The following PARM1 variants were observed in gnomAD, a reference collection of about 807,000 sequenced individuals.
PARM1 encodes WSC4, cell wall integrity and stress response component 4 homolog.
Under a neutral mutation model 24.6 loss-of-function variants are expected in PARM1, and 14 were observed. The ratio of observed to expected loss-of-function variants is 0.57; its 90% CI spans 0.38 to 0.89. The LOEUF (loss-of-function observed/expected upper bound fraction) is 0.89. PARM1 is among the 40% of genes least tolerant of loss of function. The pLI, the probability that PARM1 is intolerant of heterozygous loss-of-function variation, is 0.00. For synonymous variants in PARM1, 179 were observed against 156.6 expected (o/e 1.14, Z -1.07); for missense variants, 362 against 380.4 (o/e 0.95, Z 0.40).
intron 1 of PARM1, among the ~76,000 whole-genome samples, chr4:75,002,949 C>T (rs1722708883): frequency 6.6e-6 from 1 of 152,226 alleles, no homozygotes; most frequent in Non-Finnish European, 1.5e-5. Flanking sequence ...CATATTTAGA[C>T]ATGCTTTGTG....
intron 2 of PARM1, among the ~76,000 whole-genome samples, chr4:75,022,618 C>G (rs925817623): frequency 6.6e-6 from 1 of 152,136 alleles, no homozygotes; most frequent in African/African-American, 2.4e-5. Flanking sequence ...TCACCAGTTG[C>G]ATATGATGAA....
intron 1 of PARM1, among the ~76,000 whole-genome samples, chr4:74,978,555 G>A (rs781369473): frequency 3.4e-4 from 51 of 152,236 alleles, no homozygotes; most frequent in Non-Finnish European, 8.8e-5. Flanking sequence ...AGATCATCAA[G>A]ATAGAAAATT....
At chr4:74,964,613 T>C (rs1237559682) in intron 1 of PARM1, among the ~76,000 whole-genome samples, 4 of 152,004 alleles carry the variant, frequency 2.6e-5, no homozygotes, top group African/African-American at 9.7e-5. Context: ...TTTATGATTC[T>C]CTTCACAGCT....
chr4:75,002,250 G>T (rs1560788612), intron 1 of PARM1, among the ~76,000 whole-genome samples: 1 of 152,160 alleles, frequency 6.6e-6, no homozygotes, highest in South Asian at 2.1e-4. Context: ...GAAGGAAGAG[G>T]TTCCAAATCA....
At chr4:74,961,310 G>C (rs1721769670) in intron 1 of PARM1, among the ~76,000 whole-genome samples, 1 of 152,020 alleles carries the variant, frequency 6.6e-6, no homozygotes, top group African/African-American at 2.4e-5. Context: ...GAATCTGTGG[G>C]ATATCATCAA....
intron 1 of PARM1, among the ~76,000 whole-genome samples, chr4:74,975,160 A>G (rs112987324): frequency 0.027 from 4,172 of 152,296 alleles, 82 homozygotes; most frequent in South Asian, 0.077. Flanking sequence ...TTTGGCATCC[A>G]GTTTTCGAAA....
chr4:74,946,653 A>G (rs1721418266), intron 1 of PARM1, among the ~76,000 whole-genome samples: 1 of 152,228 alleles, frequency 6.6e-6, no homozygotes, highest in Non-Finnish European at 1.5e-5. Context: ...CTCAAAGAAT[A>G]CTAGGATCCC....
intron 1 of PARM1, among the ~76,000 whole-genome samples, chr4:75,001,707 C>G (rs1722683233): frequency 6.6e-6 from 1 of 152,106 alleles, no homozygotes. Flanking sequence ...GGTGAAAACC[C>G]TTAGAAGAAA....
intron 1 of PARM1, among the ~76,000 whole-genome samples, chr4:74,999,995 AG>A: frequency 6.6e-6 from 1 of 152,118 alleles, no homozygotes; most frequent in South Asian, 2.1e-4. Context: ...GGGTGTGTGC[AG>A]CAGCTTGGCT....
At chr4:74,966,953 T>C (rs1391561532) in intron 1 of PARM1, 1 of 152,208 alleles carries the variant, frequency 6.6e-6, no homozygotes, top group Non-Finnish European at 1.5e-5. Context: ...TTACAGATGA[T>C]TTGGTACCTG....
chr4:74,933,241 G>A lies in PARM1; in HGVS notation c.-87G>A. On this transcript the variant is annotated 5_prime_UTR_variant, in exon 1 of 4. Coordinates refer to ENST00000307428, the MANE Select transcript of PARM1 (RefSeq NM_015393.4). ...CTCCCACCGCAGCCCACCCGGCAGAGGAGTCGCTACCAGCGCCCAGTGCGC... is the reference window on the plus strand; with the variant it reads ...CTCCCACCGCAGCCCACCCGGCAGAAGAGTCGCTACCAGCGCCCAGTGCGC... 2 of 1,199,054 alleles carry A rather than the reference G, an allele frequency of 1.7e-6. No homozygotes were observed. The highest frequency in any genetic ancestry group is 1.9e-4 in the Middle Eastern group (1 of 5,198). The allele number at this position is 1,199,054 out of a possible 1,614,324, so 74.3% of individuals were successfully genotyped here.
chr4:74,955,718 C>T (rs902651778), intron 1 of PARM1, among the ~76,000 whole-genome samples: 13 of 152,146 alleles, frequency 8.5e-5, no homozygotes, highest in African/African-American at 3.1e-4. Flanking sequence ...CTCAGATCAC[C>T]CTTGAAGGCA....
chr4:74,951,125 C>T (rs558600050), intron 1 of PARM1, among the ~76,000 whole-genome samples: 17 of 152,310 alleles, frequency 1.1e-4, no homozygotes, highest in African/African-American at 2.9e-4. Flanking sequence ...AGCCAGCCTG[C>T]GGCTGTCAGA....
chr4:74,990,442 A>G (rs1192214542), intron 1 of PARM1, among the ~76,000 whole-genome samples: 1 of 152,158 alleles, frequency 6.6e-6, no homozygotes, highest in Admixed American at 6.6e-5. Context: ...GGGATTAGTG[A>G]GCTCCTCCAA....
intron 1 of PARM1, among the ~76,000 whole-genome samples, 152 bp downstream of exon 1, chr4:74,933,522 C>T (rs560614000): frequency 1.3e-5 from 2 of 152,104 alleles, no homozygotes; most frequent in African/African-American, 4.8e-5. Context: ...TTTGGGGTGA[C>T]GTGCACCTTT....
At chr4:74,968,136 A>G (rs1341028452) in intron 1 of PARM1, among the ~76,000 whole-genome samples, 1 of 152,204 alleles carries the variant, frequency 6.6e-6, no homozygotes, top group African/African-American at 2.4e-5. Context: ...ATTTAAGGAC[A>G]AGCCAACCAC....
chr4:74,967,584 T>C (rs539055348), intron 1 of PARM1: 2 of 152,218 alleles, frequency 1.3e-5, no homozygotes, highest in East Asian at 3.9e-4. Flanking sequence ...AAGTTCAAAG[T>C]TGGTTGGGCT....
intron 1 of PARM1, among the ~76,000 whole-genome samples, chr4:74,953,823 C>T (rs1046754063): frequency 1.3e-5 from 2 of 152,156 alleles, no homozygotes; most frequent in African/African-American, 4.8e-5. Flanking sequence ...CCAGAGACAT[C>T]TGACTGAGGG....
At chr4:74,952,978 A>G (rs72860922) in intron 1 of PARM1, among the ~76,000 whole-genome samples, 7,225 of 152,318 alleles carry the variant, frequency 0.047, 552 homozygotes, top group African/African-American at 0.16. Flanking sequence ...TTAACATTCA[A>G]TAGATTAATA....
Sources: allele counts gnomAD v4.1 joint callset (sites outside exome capture counted in the v4.1 genomes callset), GRCh38; gene constraint gnomAD v4.1.1; transcripts MANE v1.5; gene names NCBI Gene and HGNC (gene_info 2026-07-23, HGNC 2026-07-21).